Variants in CPE observed in about 807,000 individuals in gnomAD.
The protein encoded by CPE is carbocypeptidase E.
In CPE, 17 loss-of-function variants were observed where a neutral mutation model predicts 53.5. That is an observed-to-expected ratio of 0.32 (90% CI 0.22 to 0.48). The LOEUF (loss-of-function observed/expected upper bound fraction) is 0.48. CPE is among the 20% of genes least tolerant of loss of function. The probability of loss-of-function intolerance (pLI) is 0.99; values close to 1 mark genes in which losing one functional copy is unlikely to be tolerated. For synonymous variants in CPE, 226 were observed against 228.8 expected (o/e 0.99, Z 0.11); for missense variants, 524 against 614.7 (o/e 0.85, Z 1.56).
intron 1 of CPE, among the ~76,000 whole-genome samples, chr4:165,398,051 T>TAA (rs397955897): frequency 0.027 from 2,483 of 92,028 alleles, 57 homozygotes; most frequent in African/African-American, 0.054. Flanking sequence ...TCCTCATTTC[T>TAA]AAAAAAAAAA....
chr4:165,494,455 T>G (rs1732668422), intron 7 of CPE, among the ~76,000 whole-genome samples: 1 of 151,962 alleles, frequency 6.6e-6, no homozygotes, highest in Non-Finnish European at 1.5e-5. Flanking sequence ...GAAAATGAAG[T>G]GTGTTGTACT....
At position 165,469,656 on chromosome 4, in the gene CPE, T is replaced by C. The variant is rs192405293; in HGVS notation, c.672+1801T>C. ...ATCTATACTTCCAGTATGGGCTTAC[T>C]GTTACATCCAGCTTTATGTATGTTA... On this transcript the variant is annotated intron_variant, in intron 3 of 8. Transcript: ENST00000402744. 1.5e-3 allele frequency among the ~76,000 whole-genome samples: 235 copies of C among 152,346 alleles called. 5 individuals carry two copies. Among genetic ancestry groups the C allele is most frequent in the Admixed American group, 0.014 (217 of 15,296 alleles).
chr4:165,408,722 G>A (rs1431016271), intron 1 of CPE, among the ~76,000 whole-genome samples: 1 of 152,162 alleles, frequency 6.6e-6, no homozygotes, highest in Non-Finnish European at 1.5e-5. Flanking sequence ...TTGCTTTTCT[G>A]TCAAGTTCCC....
intron 1 of CPE, among the ~76,000 whole-genome samples, chr4:165,390,107 A>G (rs576769441): frequency 1.4e-3 from 214 of 152,368 alleles, no homozygotes; most frequent in African/African-American, 4.9e-3. Context: ...GCAAATAGTT[A>G]TATCAATCCA....
Position 165,482,330 on chromosome 4 carries a change from C to T in CPE, c.761C>T (p.Ala254Val). 6.2e-7 allele frequency: 1 copy of T among 1,613,460 alleles called. No individual in the cohort carries two copies. Among genetic ancestry groups the T allele is most frequent in the Non-Finnish European group, 8.5e-7 (1 of 1,179,440 alleles). ...AATCTCCATGGAGGAGACCTTGTGG[C>T]CAATTATCCATATGATGAGACGCGG... ...SANLHGGDLV[A>V]NYPYDETRSG... The change falls in exon 4 of 9, where the codon GCC (alanine) becomes GTC (valine). Residue 254 changes from alanine (A) to valine (V), a missense_variant. Ala to Val is a moderately conservative substitution (Grantham distance 64). Transcript: ENST00000402744.
chr4:165,495,879 G>T (rs968023284), intron 8 of CPE, among the ~76,000 whole-genome samples: 3 of 152,104 alleles, frequency 2.0e-5, no homozygotes, highest in African/African-American at 4.8e-5. Flanking sequence ...TTTTTGAAGA[G>T]ATTTACAAGA....
intron 3 of CPE, among the ~76,000 whole-genome samples, chr4:165,468,801 A>C (rs1732151103): frequency 1.3e-5 from 2 of 152,120 alleles, no homozygotes; most frequent in African/African-American, 4.8e-5. Flanking sequence ...GAGTGACCTC[A>C]CACACAAATT....
At chr4:165,463,568 T>TAAAAACAA (rs1358283074) in intron 1 of CPE, among the ~76,000 whole-genome samples, 2 of 152,094 alleles carry the variant, frequency 1.3e-5, no homozygotes, top group East Asian at 1.9e-4. Context: ...GATTTAGGAA[T>TAAAAACAA]AAAAACAAAA....
At chr4:165,445,288 GTT>G (rs11296419) in intron 1 of CPE, among the ~76,000 whole-genome samples, 4 of 147,272 alleles carry the variant, frequency 2.7e-5, no homozygotes, top group Admixed American at 2.7e-4. Flanking sequence ...CCCTTTTTTT[GTT>G]TTTTTTTTCT....
At chr4:165,463,098 C>T (rs1171340083) in intron 1 of CPE, among the ~76,000 whole-genome samples, 2 of 152,284 alleles carry the variant, frequency 1.3e-5, no homozygotes, top group African/African-American at 2.4e-5. Context: ...ATTACTACTC[C>T]TAAAACGCAA....
chr4:165,496,333 G>C (rs1037971291), intron 8 of CPE, among the ~76,000 whole-genome samples: 3 of 152,154 alleles, frequency 2.0e-5, no homozygotes, highest in Non-Finnish European at 4.4e-5. Context: ...ATAAATGCTT[G>C]ATTTATGCAA....
chr4:165,382,990 T>G (rs1239345515), intron 1 of CPE, among the ~76,000 whole-genome samples: 2 of 152,222 alleles, frequency 1.3e-5, no homozygotes, highest in Non-Finnish European at 2.9e-5. Context: ...TTGTATCACT[T>G]CTGAGGTCTG....
At chr4:165,401,851 T>C (rs1191575459) in intron 1 of CPE, among the ~76,000 whole-genome samples, 1 of 152,088 alleles carries the variant, frequency 6.6e-6, no homozygotes, top group Non-Finnish European at 1.5e-5. Context: ...CTGTGGAAAG[T>C]GGTGTTGTAA....
At chr4:165,405,935 A>G in intron 1 of CPE, 1 of 731,428 alleles carries the variant, frequency 1.4e-6, no homozygotes, top group South Asian at 1.4e-5. Context: ...GGCAGTCACA[A>G]CAGGCTTTAT....
chr4:165,401,204 A>G (rs915580115), intron 1 of CPE, among the ~76,000 whole-genome samples: 21 of 152,110 alleles, frequency 1.4e-4, no homozygotes, highest in African/African-American at 4.1e-4. Flanking sequence ...AAGTGGTGCC[A>G]TTGCTTAGAG....
At chr4:165,405,924 T>C in intron 1 of CPE, 4 of 731,794 alleles carry the variant, frequency 5.5e-6, no homozygotes, top group Admixed American at 1.8e-5. Context: ...GATCCACTGA[T>C]GGCAGTCACA....
intron 1 of CPE, among the ~76,000 whole-genome samples, chr4:165,432,136 G>T (rs1011819863): frequency 6.6e-6 from 1 of 152,212 alleles, no homozygotes; most frequent in South Asian, 2.1e-4. Context: ...AAAATGAAAA[G>T]CTGATGGGTG....
chr4:165,382,668 A>G (rs1286611037), intron 1 of CPE, among the ~76,000 whole-genome samples: 2 of 152,212 alleles, frequency 1.3e-5, no homozygotes, highest in African/African-American at 2.4e-5. Context: ...TTGTGGTAGA[A>G]TAAGCAAGCT....
At chr4:165,476,607 C>A (rs1222363217) in intron 3 of CPE, among the ~76,000 whole-genome samples, 3 of 152,030 alleles carry the variant, frequency 2.0e-5, no homozygotes, top group African/African-American at 7.2e-5. Flanking sequence ...CTTTCGCTGG[C>A]GCCTGCTGCA....
Sources: allele counts gnomAD v4.1 joint callset (sites outside exome capture counted in the v4.1 genomes callset), GRCh38; gene constraint gnomAD v4.1.1; transcripts MANE v1.5; gene names NCBI Gene and HGNC (gene_info 2026-07-23, HGNC 2026-07-21).